Variants in NEK7 observed in about 807,000 individuals in gnomAD.
The protein encoded by NEK7 is serine/threonine-protein kinase Nek7.
NEK7 carries 18 observed loss-of-function variants against 44.6 expected under a neutral mutation model. That is an observed-to-expected ratio of 0.40 (90% CI 0.28 to 0.60). NEK7 has a LOEUF of 0.60. NEK7 is among the 20% of genes least tolerant of loss of function. The pLI is 0.38. For synonymous variants in NEK7, 130 were observed against 121.1 expected (o/e 1.07, Z -0.48); for missense variants, 256 against 366.5 (o/e 0.70, Z 2.46).
chr1:198,225,652 C>T (rs1666198017), intron 1 of NEK7, among the ~76,000 whole-genome samples: 2 of 152,134 alleles, frequency 1.3e-5, no homozygotes, highest in African/African-American at 4.8e-5. Context: ...TCTTTTGCTA[C>T]TAACTCCCCA....
intron 9 of NEK7, among the ~76,000 whole-genome samples, chr1:198,303,787 A>T (rs1410898303): frequency 6.6e-6 from 1 of 152,174 alleles, no homozygotes; most frequent in East Asian, 1.9e-4. Flanking sequence ...TTCTGTACAA[A>T]TATTTCTGCA....
At chr1:198,184,418 A>G (rs943645783) in intron 1 of NEK7, among the ~76,000 whole-genome samples, 2 of 152,204 alleles carry the variant, frequency 1.3e-5, no homozygotes, top group Non-Finnish European at 2.9e-5. Flanking sequence ...TTACATGGCT[A>G]TTGTTGGAAA....
intron 1 of NEK7, among the ~76,000 whole-genome samples, chr1:198,227,464 A>C (rs1443162727): frequency 6.6e-6 from 1 of 152,164 alleles, no homozygotes; most frequent in East Asian, 1.9e-4. Context: ...ACAATGGTTG[A>C]ACTAGTTTAC....
chr1:198,252,528 CTATATATA>C (rs1162099133), intron 2 of NEK7, among the ~76,000 whole-genome samples: 409 of 32,686 alleles, frequency 0.013, 5 homozygotes, highest in Middle Eastern at 0.017. Flanking sequence ...ATCTCACATA[CTATATATA>C]TATATATATA....
Position 198,319,707 on chromosome 1 carries a change from A to C in NEK7, c.*185A>C. ...TAAATCACCTCCTTGCAACCCCCAA[A>C]TGACTTTGGAATAACTGAATTGCAT... On this transcript the variant is annotated 3_prime_UTR_variant, in exon 10 of 10. Transcript: ENST00000367385. The C allele has an allele frequency of 2.0e-6, 1 of 510,466 alleles. No homozygotes were observed. The allele number at this position is 510,466 out of a possible 1,614,324, so 31.6% of individuals were successfully genotyped here. A position where few individuals can be genotyped will look rare whatever the true frequency, so the allele number is the denominator to read the frequency against.
chr1:198,195,960 T>A (rs889468027), intron 1 of NEK7, among the ~76,000 whole-genome samples: 1 of 152,242 alleles, frequency 6.6e-6, no homozygotes, highest in Admixed American at 6.5e-5. Flanking sequence ...ATATTTCTTT[T>A]AATAAAAGGT....
intron 9 of NEK7, among the ~76,000 whole-genome samples, chr1:198,306,828 AC>A (rs1655037491): frequency 6.6e-6 from 1 of 152,054 alleles, no homozygotes; most frequent in African/African-American, 2.4e-5. Flanking sequence ...AACTTATTTT[AC>A]CCCCACTAGA....
intron 9 of NEK7, among the ~76,000 whole-genome samples, chr1:198,316,321 G>T (rs991059403): frequency 2.6e-5 from 4 of 152,200 alleles, no homozygotes; most frequent in Admixed American, 6.5e-5. Context: ...AAATTGGTAT[G>T]AAGGTGAAGA....
chr1:198,222,661 CA>C (rs1354168066), intron 1 of NEK7, among the ~76,000 whole-genome samples: 1 of 152,158 alleles, frequency 6.6e-6, no homozygotes, highest in African/African-American at 2.4e-5. Context: ...CTCTATTCTC[CA>C]TTTCCTTTCA....
chr1:198,294,047 T>C (rs1654638435), intron 8 of NEK7, among the ~76,000 whole-genome samples: 1 of 151,962 alleles, frequency 6.6e-6, no homozygotes, highest in Non-Finnish European at 1.5e-5. Flanking sequence ...GGAGGTGTTT[T>C]TTGACTCTTT....
chr1:198,213,637 TG>T (rs758295743), intron 1 of NEK7, among the ~76,000 whole-genome samples: 32 of 152,198 alleles, frequency 2.1e-4, no homozygotes, highest in Non-Finnish European at 4.0e-4. Flanking sequence ...GGTGCCTGTC[TG>T]ATCTCAATAG....
chr1:198,284,748 A>G (rs1654317055), intron 7 of NEK7, among the ~76,000 whole-genome samples: 1 of 152,142 alleles, frequency 6.6e-6, no homozygotes. Flanking sequence ...TGAATATTTA[A>G]ACATATAAAC....
intron 7 of NEK7, among the ~76,000 whole-genome samples, chr1:198,279,972 G>A (rs1654144695): frequency 6.6e-6 from 1 of 151,996 alleles, no homozygotes; most frequent in African/African-American, 2.4e-5. Flanking sequence ...AATTTCAAGA[G>A]TGTTAGAAAG....
chr1:198,292,630 G>T (rs1654594733), intron 7 of NEK7, among the ~76,000 whole-genome samples: 1 of 151,828 alleles, frequency 6.6e-6, no homozygotes, highest in South Asian at 2.1e-4. Context: ...AAGCCAACAT[G>T]AATCATTTAA....
At chr1:198,240,925 C>G (rs540052061) in intron 2 of NEK7, among the ~76,000 whole-genome samples, 2 of 152,170 alleles carry the variant, frequency 1.3e-5, no homozygotes, top group South Asian at 2.1e-4. Context: ...GAACTCCTAA[C>G]CTTGTGATCC....
rs148146394 is a variant in NEK7, at chr1:198,221,557, C to T, written c.-28-10996C>T. 5.0e-3 allele frequency among the ~76,000 whole-genome samples: 754 copies of T among 151,380 alleles called. 7 individuals are homozygous for T. Among genetic ancestry groups the T allele is most frequent in the Non-Finnish European group, 7.2e-3 (489 of 67,756 alleles). On this transcript the variant is annotated intron_variant, in intron 1 of 9. Transcript: ENST00000367385. ...TCATTAAAAAAACTTTTATATTACA[C>T]GTTTTAAAACTATATAATTGGCCAA...
rs1405624068 is a variant in NEK7, at chr1:198,182,532, C to A, written c.-29+25256C>A. Among the ~76,000 whole-genome samples, 3 of 152,224 alleles carry A rather than the reference C, an allele frequency of 2.0e-5. No individual in the cohort carries two copies. The East Asian group carries it at 5.8e-4, about 29-fold the overall frequency. On this transcript the variant is annotated intron_variant, in intron 1 of 9. Coordinates refer to ENST00000367385, the MANE Select transcript of NEK7 (RefSeq NM_133494.3). ...GGTTTTCTGGTTTGTATTCTTGCTG[C>A]CAGGCCTGTGGCCATTGATTTCTAC...
Position 198,321,144 on chromosome 1 carries a change from C to G in NEK7, c.*1622C>G, listed in dbSNP as rs1400613700. The G allele has an allele frequency of 6.6e-6, 1 of 152,132 alleles. No homozygotes were observed. The highest frequency in any genetic ancestry group is 1.5e-5 in the Non-Finnish European group (1 of 68,010). 9.4% of individuals were successfully genotyped at this position (152,132 alleles called of 1,614,324 possible). On this transcript the variant is annotated 3_prime_UTR_variant, in exon 10 of 10. Coordinates refer to ENST00000367385, the MANE Select transcript of NEK7 (RefSeq NM_133494.3). ...GTTTTTCATATGTGTTTTTCTTACA[C>G]TCATTTGAATGCTTTCAAGCATTTG... is the stretch of plus-strand genomic sequence containing the variant.
At chr1:198,275,696 G>C (rs1056194413) in intron 5 of NEK7, among the ~76,000 whole-genome samples, 4 of 151,164 alleles carry the variant, frequency 2.6e-5, no homozygotes, top group African/African-American at 9.7e-5. Context: ...CTGCTTTGTA[G>C]TGCTAATATA....
Sources: gnomAD v4.1 joint callset for allele counts (sites outside exome capture counted in the v4.1 genomes callset) on GRCh38, gnomAD v4.1.1 for gene constraint, MANE v1.5 for transcripts, NCBI Gene and HGNC (gene_info 2026-07-23, HGNC 2026-07-21) for gene names.